FGF13: variants seen among roughly 807,000 people sequenced by gnomAD.
FGF13 encodes fibroblast growth factor 13.
Under a neutral mutation model 19.5 loss-of-function variants are expected in FGF13, and 2 were observed. The observed-to-expected ratio is 0.10, with a 90% CI of 0.04 to 0.32. FGF13 has a LOEUF of 0.32. Ranked by LOEUF, FGF13 falls within the 10% of genes least tolerant of loss-of-function variation. The probability of loss-of-function intolerance (pLI) is 1.00; values close to 1 mark genes in which losing one functional copy is unlikely to be tolerated. For synonymous variants in FGF13, 72 were observed against 76.9 expected (o/e 0.94, Z 0.33); for missense variants, 113 against 192.7 (o/e 0.59, Z 2.45).
chrX:138,822,607 A>G (rs1302583047), intron 3 of FGF13, among the ~76,000 whole-genome samples: 1 of 112,416 alleles, frequency 8.9e-6, no homozygotes, highest in African/African-American at 3.2e-5. Context: ...GTTATTACTG[A>G]AACTTACAAA....
At chrX:138,915,677 C>T (rs1316466938) in intron 1 of FGF13, among the ~76,000 whole-genome samples, 1 of 111,570 alleles carries the variant, frequency 9.0e-6, no homozygotes, top group African/African-American at 3.3e-5. Flanking sequence ...CTGACGGGTC[C>T]ATGGTCTTCT....
chrX:139,088,149 T>C (rs1002726471), intron 1 of FGF13, among the ~76,000 whole-genome samples: 4 of 112,236 alleles, frequency 3.6e-5, no homozygotes, highest in African/African-American at 9.7e-5. Flanking sequence ...TGGGCAGCTA[T>C]GACATTGTTA....
chrX:138,825,616 T>C (rs2124075410), intron 3 of FGF13, among the ~76,000 whole-genome samples: 1 of 111,951 alleles, frequency 8.9e-6, no homozygotes, highest in African/African-American at 3.2e-5. Context: ...TCTGTTCTGC[T>C]ACTTACAAGC....
chrX:138,849,110 A>C (rs1319713621), intron 3 of FGF13, among the ~76,000 whole-genome samples: 1 of 111,528 alleles, frequency 9.0e-6, no homozygotes, highest in Non-Finnish European at 1.9e-5. Context: ...TTTGATGAGA[A>C]CACACTGCTT....
chrX:138,812,189 C>T (rs753713740), intron 3 of FGF13, among the ~76,000 whole-genome samples: 4 of 111,690 alleles, frequency 3.6e-5, no homozygotes, highest in Admixed American at 9.5e-5. Flanking sequence ...TGATTGGTTC[C>T]TTTCACTTAG....
At chrX:139,111,922 C>T (rs1188298482) in intron 1 of FGF13, among the ~76,000 whole-genome samples, 1 of 111,842 alleles carries the variant, frequency 8.9e-6, no homozygotes, top group Non-Finnish European at 1.9e-5. Context: ...AACCTCCTCC[C>T]CCAGCCTGGG....
At chrX:138,984,509 GAGGA>G (rs1344031194) in intron 1 of FGF13, among the ~76,000 whole-genome samples, 2,274 of 70,411 alleles carry the variant, frequency 0.032, 437 homozygotes, top group African/African-American at 0.063. Flanking sequence ...AGGAGAAGAA[GAGGA>G]AGAAGAAGAG....
intron 1 of FGF13, among the ~76,000 whole-genome samples, chrX:138,887,587 G>C (rs1291561870): frequency 9.0e-6 from 1 of 111,572 alleles, no homozygotes; most frequent in Non-Finnish European, 1.9e-5. Flanking sequence ...TTCCCCACTA[G>C]AATGAAAGCT....
chrX:138,890,750 G>C (rs1436018257), intron 1 of FGF13, among the ~76,000 whole-genome samples: 2 of 111,614 alleles, frequency 1.8e-5, no homozygotes, highest in African/African-American at 6.5e-5. Context: ...CCTTTACTAA[G>C]GTTCAGCAGC....
intron 2 of FGF13, among the ~76,000 whole-genome samples, chrX:138,859,140 C>A (rs540688390): frequency 4.5e-5 from 5 of 112,014 alleles, no homozygotes; most frequent in African/African-American, 1.6e-4. Flanking sequence ...ACTAGGAATG[C>A]GACTATAACT....
intron 1 of FGF13, among the ~76,000 whole-genome samples, chrX:139,044,439 A>C (rs62602208): frequency 0.1 from 11,265 of 110,787 alleles, 465 homozygotes; most frequent in South Asian, 0.19. Context: ...CAATGACAGC[A>C]CCAGTCCATG....
At chrX:138,723,052 C>T (rs956088231) in intron 1 of FGF13, among the ~76,000 whole-genome samples, 2 of 109,738 alleles carry the variant, frequency 1.8e-5, no homozygotes, top group Non-Finnish European at 3.8e-5. Context: ...AAAAATTTTG[C>T]CTAAGGTCAC....
At chrX:138,926,742 C>G (rs5974783) in intron 1 of FGF13, among the ~76,000 whole-genome samples, 2,476 of 111,851 alleles carry the variant, frequency 0.022, 65 homozygotes, top group African/African-American at 0.075. Flanking sequence ...CCCTTGAGAT[C>G]AGGAGTTCAA....
chrX:138,930,127 G>T lies in FGF13; in HGVS notation c.-112-65477C>A, dbSNP rs1028811747. On this transcript the variant is annotated intron_variant, in intron 1 of 2. Coordinates refer to the FGF13 transcript ENST00000421460. ...GACTCAAGCCAGCAGGGTATTGGTT[G>T]CCTAGCAGCAAGTGGCCTGAAAGAG... 6.3e-5 allele frequency among the ~76,000 whole-genome samples: 7 copies of T among 111,564 alleles called. No individual in the cohort carries two copies. The East Asian group carries it at 2.0e-3, about 31-fold the overall frequency.
chrX:138,845,585 G>C (rs1256716420), intron 3 of FGF13, among the ~76,000 whole-genome samples: 1 of 111,538 alleles, frequency 9.0e-6, no homozygotes, highest in Non-Finnish European at 1.9e-5. Flanking sequence ...TCCTGACTGG[G>C]AAGGGAGAGA....
At chrX:138,798,000 G>A (rs1314431284) in intron 3 of FGF13, among the ~76,000 whole-genome samples, 3 of 111,619 alleles carry the variant, frequency 2.7e-5, no homozygotes, top group Non-Finnish European at 5.7e-5. Flanking sequence ...CAATCACGTC[G>A]TCTGCAAATA....
At chrX:139,062,908 C>A (rs2092341006) in intron 1 of FGF13, among the ~76,000 whole-genome samples, 1 of 111,721 alleles carries the variant, frequency 9.0e-6, no homozygotes, top group Non-Finnish European at 1.9e-5. Flanking sequence ...ATAGCAGTAG[C>A]CAAATCAAAG....
intron 1 of FGF13, among the ~76,000 whole-genome samples, chrX:139,071,652 A>G (rs1272861262): frequency 9.0e-6 from 1 of 111,633 alleles, no homozygotes; most frequent in East Asian, 2.8e-4. Context: ...TTTCCATTAC[A>G]GTCCACCCTA....
At chrX:138,834,276 C>T (rs1166226874) in intron 3 of FGF13, among the ~76,000 whole-genome samples, 4 of 111,637 alleles carry the variant, frequency 3.6e-5, no homozygotes, top group African/African-American at 1.3e-4. Flanking sequence ...TCCCTCTGGT[C>T]CTGGACTTTT....
Sources: gnomAD v4.1 joint callset for allele counts (sites outside exome capture counted in the v4.1 genomes callset) on GRCh38, gnomAD v4.1.1 for gene constraint, MANE v1.5 for transcripts, NCBI Gene and HGNC (gene_info 2026-07-23, HGNC 2026-07-21) for gene names.